The following UBR4 variants were observed in gnomAD, a reference collection of about 807,000 sequenced individuals.
The protein encoded by UBR4 is E3 ubiquitin-protein ligase UBR4.
In UBR4, 124 loss-of-function variants were observed where a neutral mutation model predicts 575.6. The ratio of observed to expected loss-of-function variants is 0.22; its 90% confidence interval spans 0.19 to 0.25. UBR4 has a LOEUF of 0.25. UBR4 is among the 10% of genes least tolerant of loss of function. The probability of loss-of-function intolerance (pLI) is 1.00; values close to 1 mark genes in which losing one functional copy is unlikely to be tolerated. For synonymous variants in UBR4, 2,455 were observed against 2,473.7 expected (o/e 0.99, Z 0.22); for missense variants, 4,818 against 6,478.8 (o/e 0.74, Z 8.80).
In UBR4 at chr1:19,187,178, T is replaced by C; in HGVS notation, c.1618A>G (p.Thr540Ala). ...LMNLLLTLLS[T>A]SYRKACVLQR... The stretch of plus-strand genomic sequence containing the variant: ...CTCCCACCCACCTTTCTGTAGGAAG[T>C]TGAAAGTAACGTCAAGAGCAGGTTC... The change falls in exon 13 of 106, where the codon ACT becomes GCT. Residue 540 changes from threonine to alanine, a missense_variant. Around this residue, in one of 29 missense-constraint regions of UBR4, gnomAD observed 162 missense variants for 216.4 expected, o/e 0.75. Coordinates refer to ENST00000375254, the MANE Select transcript of UBR4 (RefSeq NM_020765.3). 6 of 1,609,582 alleles carry C rather than the reference T, an allele frequency of 3.7e-6. No homozygotes were observed. The highest frequency in any genetic ancestry group is 5.1e-6 in the Non-Finnish European group (6 of 1,177,304).
At chr1:19,084,456 T>C in intron 102 of UBR4, 48 bp downstream of exon 102, 8 of 1,550,098 alleles carry the variant, frequency 5.2e-6, no homozygotes, top group Non-Finnish European at 7.0e-6. Context: ...GGCAGAGGGA[T>C]GCAGGGTGGG....
intron 1 of UBR4, among the ~76,000 whole-genome samples, chr1:19,203,371 C>T (rs2092844851): frequency 6.6e-6 from 1 of 151,962 alleles, no homozygotes; most frequent in African/African-American, 2.4e-5. Context: ...TGTGGTGGCA[C>T]CCACCTGTAG....
rs780030488 is a variant in UBR4 at position 19,113,691 on chromosome 1, C to T, written c.11457+8G>A. 26 of 1,613,954 alleles carry T rather than the reference C, an allele frequency of 1.6e-5. No individual in the cohort carries two copies. The highest frequency in any genetic ancestry group is 5.5e-5 in the South Asian group (5 of 91,074). The stretch of plus-strand genomic sequence containing the variant: ...AAACACACCCAAAAGCTGCTCCCCG[C>T]TCTCTACCTGGATGATTTTGGAGAG... On this transcript the variant is annotated splice_region_variant and intron_variant, in intron 77 of 105. Coordinates refer to ENST00000375254, the MANE Select transcript of UBR4 (RefSeq NM_020765.3).
chr1:19,193,421 T>C lies in UBR4; in HGVS notation c.1143+12A>G. 2 of 1,613,432 alleles carry C rather than the reference T, an allele frequency of 1.2e-6. No homozygotes were observed. The highest frequency in any genetic ancestry group is 1.3e-5 in the African/African-American group (1 of 75,026). On this transcript the variant is annotated intron_variant, in intron 9 of 105. Coordinates refer to ENST00000375254, the MANE Select transcript of UBR4 (RefSeq NM_020765.3). ...CAATCAAGGTTCCCTTATCCCCAGA[T>C]CTTTGGCTTACACATTTCTGGACAA...
chr1:19,124,336 A>C, intron 65 of UBR4: 1 of 581,920 alleles, frequency 1.7e-6, no homozygotes, highest in Non-Finnish European at 2.8e-6. Context: ...ACAGAATCAG[A>C]AGGTAAAGTA....
At chr1:19,146,057 T>C (rs956545861) in intron 52 of UBR4, 124 bp from the exon 53 acceptor site, 2 of 1,573,196 alleles carry the variant, frequency 1.3e-6, no homozygotes, top group Non-Finnish European at 1.7e-6. Flanking sequence ...CCCCAATCAA[T>C]ATGCCAACTA....
intron 84 of UBR4, 60 bp from the exon 85 acceptor site, chr1:19,105,249 AG>A: frequency 6.4e-7 from 1 of 1,555,676 alleles, no homozygotes; most frequent in Non-Finnish European, 8.7e-7. Flanking sequence ...AACAGCTCCA[AG>A]GCTCCCCTTT....
chr1:19,179,297 C>A, intron 17 of UBR4, 77 bp from the exon 18 acceptor site: 1 of 1,392,058 alleles, frequency 7.2e-7, no homozygotes, highest in Non-Finnish European at 9.4e-7. Context: ...TGTTCTCAAA[C>A]GTTTGTTTGT....
At chr1:19,095,733 G>A (rs375916294) in intron 92 of UBR4, 81 bp from the exon 93 acceptor site, 4 of 1,329,522 alleles carry the variant, frequency 3.0e-6, no homozygotes, top group East Asian at 2.3e-5. Flanking sequence ...GGATGTCTAA[G>A]CAGGGTCTAC....
rs1267334653 is a variant in UBR4 at position 19,210,204 on chromosome 1, C to G, written c.45G>C (p.Ala15=). ...CCGCCCCCGTTGCCGGGGTCCCCGG[C>G]GCCGGAGCCGCTGCCGCCGCCTCTT... The part of the protein sequence containing the change: ...GGEEAAAAAP[A]PGTPATGADT... Residue 15 remains alanine, a synonymous_variant, in exon 1 of 106, where the codon GCG becomes GCC. Coordinates refer to ENST00000375254, the MANE Select transcript of UBR4 (RefSeq NM_020765.3). 21 of 1,458,904 alleles carry G rather than the reference C, an allele frequency of 1.4e-5. No homozygotes were observed. Among genetic ancestry groups the G allele is most frequent in the Non-Finnish European group, 1.9e-5 (21 of 1,109,942 alleles). The allele number at this position is 1,458,904 out of a possible 1,614,324, so 90.4% of individuals were successfully genotyped here.
chr1:19,101,743 T>C (rs2078654342), intron 87 of UBR4, 102 bp from the exon 88 acceptor site: 1 of 1,519,504 alleles, frequency 6.6e-7, no homozygotes, highest in Admixed American at 2.0e-5. Flanking sequence ...TATTTCTGCC[T>C]GGTAAGTCTT....
In UBR4 at chr1:19,156,346, C is replaced by T. The variant is rs376740657; in HGVS notation, c.5997G>A (p.Gly1999=). 1.9e-6 allele frequency: 3 copies of T among 1,614,186 alleles called. No homozygotes were observed. Among genetic ancestry groups the T allele is most frequent in the Admixed American group, 1.7e-5 (1 of 60,026 alleles). The change falls in exon 42 of 106, where the codon GGG becomes GGA. Residue 1999 remains glycine (G), a synonymous_variant. Transcript: ENST00000375254. ...HLVLHPQLAT[G]NFIIKAVWLP... ...ACCACACGGCTTTGATGATGAAGTT[C>T]CCCGTTGCCAACTGAGGGTGCAAAA...
intron 2 of UBR4, among the ~76,000 whole-genome samples, chr1:19,200,038 A>G (rs539426745): frequency 6.6e-6 from 1 of 152,366 alleles, no homozygotes; most frequent in East Asian, 1.9e-4. Context: ...AACCAATTCT[A>G]TGAGGCAGAT....
Position 19,087,867 on chromosome 1 carries a change from G to C in UBR4, c.14493C>G (p.Ile4831Met), listed in dbSNP as rs766518137. 6.2e-6 allele frequency: 10 copies of C among 1,611,288 alleles called. No individual in the cohort carries two copies. Among genetic ancestry groups the C allele is most frequent in the South Asian group, 1.1e-5 (1 of 90,376 alleles). ...TGCAGCACGTGAGGCCAGGCTCCTC[G>C]ATCAGCTCTTCCATCTGCTTCAGGA... ...TALLKQMEEL[I>M]EEPGLTCCIC... The change falls in exon 99 of 106, where the codon ATC becomes ATG. Residue 4831 changes from isoleucine (I) to methionine (M), a missense_variant. Physicochemically the swap from Ile to Met is conservative, Grantham distance 10. Transcript: ENST00000375254.
Position 19,105,179 on chromosome 1 carries a change from C to T in UBR4, c.12514G>A (p.Glu4172Lys), listed in dbSNP as rs1460158443. Residue 4172 changes from glutamate to lysine, a missense_variant, in exon 85 of 106, where the codon GAG becomes AAG. By Grantham distance (56) the Glu-to-Lys change is moderately conservative (BLOSUM62 1). Around this residue, in one of 29 missense-constraint regions of UBR4, gnomAD observed 178 missense variants for 175.5 expected, o/e 1.01. Transcript: ENST00000375254. The part of the protein sequence containing the change: ...VLDLLTSYLD[E>K]LSIAGECAAE... ...GCACACTCCCCAGCTATGCTCAGCT[C>T]ATCCAGGTAACTGCCACCAAGAGGG... 1 of 1,612,504 alleles carries T rather than the reference C, an allele frequency of 6.2e-7. No individual in the cohort carries two copies. Among genetic ancestry groups the T allele is most frequent in the Admixed American group, 1.7e-5 (1 of 59,520 alleles).
Position 19,179,230 on chromosome 1 carries a change from A to C in UBR4, c.2185-10T>G. The C allele has an allele frequency of 6.4e-7, 1 of 1,562,042 alleles. No homozygotes were observed. Among genetic ancestry groups the C allele is most frequent in the East Asian group, 2.3e-5 (1 of 44,302 alleles). On this transcript the variant is annotated splice_polypyrimidine_tract_variant and intron_variant, in intron 17 of 105. Coordinates refer to ENST00000375254, the MANE Select transcript of UBR4 (RefSeq NM_020765.3). ...GCTGCAACAGTGTGTTCTGACAAGA[A>C]AGACATGGAACAGAACATTAGCAAA...
intron 54 of UBR4, 34 bp from the exon 55 acceptor site, chr1:19,144,125 C>T (rs1432755235): frequency 6.3e-7 from 1 of 1,584,514 alleles, no homozygotes; most frequent in Admixed American, 1.7e-5. Context: ...ACGCTTTGCT[C>T]TCATATTATT....
At position 19,122,924 on chromosome 1, in the gene UBR4, T is replaced by C. The variant is rs774248885; in HGVS notation, c.9725A>G (p.Lys3242Arg). 1 of 1,614,242 alleles carries C rather than the reference T, an allele frequency of 6.2e-7. No homozygotes were observed. The highest frequency in any genetic ancestry group is 8.5e-7 in the Non-Finnish European group (1 of 1,180,036). ...TLDSHVRGIKKLLEEQGIFLR... is the reference protein window; with the variant it reads ...TLDSHVRGIKRLLEEQGIFLR... ...GAATATCCCCTGCTCTTCTAGCAGC[T>C]TCTTGATCCCACGCACGTGAGAGTC... Residue 3242 changes from lysine (K) to arginine (R), a missense_variant, in exon 66 of 106, where the codon AAG becomes AGG. This residue lies in a region of UBR4 where 550 missense variants were observed against 791.5 expected (regional missense o/e 0.69). Transcript: ENST00000375254.
At chr1:19,185,003 A>T in intron 15 of UBR4, 96 bp downstream of exon 15, 1 of 1,472,978 alleles carries the variant, frequency 6.8e-7, no homozygotes. Context: ...CATTACAGTT[A>T]TCCAAGCCAC....
Sources: gnomAD v4.1 joint callset for allele counts (sites outside exome capture counted in the v4.1 genomes callset) on GRCh38, gnomAD v4.1.1 for gene constraint, gnomAD v4.1.1 regional missense constraint, MANE v1.5 for transcripts, NCBI Gene and HGNC (gene_info 2026-07-23, HGNC 2026-07-21) for gene names.